DYM: variants seen among roughly 807,000 people sequenced by gnomAD.
DYM encodes the protein dyggve-Melchior-Clausen syndrome protein.
DYM carries 78 observed loss-of-function variants against 93.1 expected under a neutral mutation model. The observed-to-expected ratio is 0.84, with a 90% CI of 0.70 to 1.01. The LOEUF is 1.01. DYM is among the 50% of genes least tolerant of loss of function. The pLI is 0.00. For missense variants in DYM, 789 were observed against 845.0 expected, an observed-to-expected ratio of 0.93 and a Z score of 0.82; for synonymous variants, 321 against 319.7, an observed-to-expected ratio of 1.00 and a Z score of -0.04.
intron 13 of DYM, among the ~76,000 whole-genome samples, chr18:49,243,325 A>G (rs954246632): frequency 2.6e-5 from 4 of 152,156 alleles, no homozygotes; most frequent in African/African-American, 9.7e-5. Flanking sequence ...ATAAATGATT[A>G]TATGTCCCCT....
rs139305364 is a variant in DYM, at chr18:49,037,666, G to T, written c.*6389C>A. ...TTGATATGTAGTATTTTCATGATCAGTTCAAAATATTTCAAATTTCCATTA... is the reference window on the plus strand; with the variant it reads ...TTGATATGTAGTATTTTCATGATCATTTCAAAATATTTCAAATTTCCATTA... On this transcript the variant is annotated 3_prime_UTR_variant, in exon 18 of 18. Coordinates refer to ENST00000675505, the MANE Select transcript of DYM (RefSeq NM_001353214.3). 6.6e-6 allele frequency among the ~76,000 whole-genome samples: 1 copy of T among 152,116 alleles called. No individual in the cohort carries two copies. Among genetic ancestry groups the T allele is most frequent in the East Asian group, 1.9e-4 (1 of 5,202 alleles).
chr18:49,364,514 T>C (rs1224911409), intron 5 of DYM, among the ~76,000 whole-genome samples: 3 of 152,062 alleles, frequency 2.0e-5, no homozygotes, highest in African/African-American at 4.8e-5. Context: ...CTAGTTAGTA[T>C]TGTAGTTCCA....
At chr18:49,235,878 A>G (rs1249143081) in intron 13 of DYM, among the ~76,000 whole-genome samples, 1 of 152,136 alleles carries the variant, frequency 6.6e-6, no homozygotes, top group African/African-American at 2.4e-5. Flanking sequence ...ATACTATAAA[A>G]TTTTCATATT....
At chr18:49,136,344 A>T (rs1473791130) in intron 15 of DYM, among the ~76,000 whole-genome samples, 4 of 152,166 alleles carry the variant, frequency 2.6e-5, no homozygotes, top group African/African-American at 4.8e-5. Context: ...CATATATGTT[A>T]TATATATATC....
intron 14 of DYM, among the ~76,000 whole-genome samples, chr18:49,181,251 A>C (rs1414493937): frequency 1.3e-5 from 2 of 152,182 alleles, no homozygotes; most frequent in African/African-American, 2.4e-5. Context: ...AAGCAAAATG[A>C]ATGTTTCCGT....
At chr18:49,195,925 T>TTTTTTTTTTTTTC (rs2091402591) in intron 14 of DYM, among the ~76,000 whole-genome samples, 1 of 130,434 alleles carries the variant, frequency 7.7e-6, no homozygotes, top group African/African-American at 3.1e-5. Flanking sequence ...TCTTTTTTTT[T>TTTTTTTTTTTTTC]TTTTTTTTTT....
intron 15 of DYM, among the ~76,000 whole-genome samples, chr18:49,158,805 T>C (rs2086736119): frequency 6.6e-6 from 1 of 152,110 alleles, no homozygotes. Flanking sequence ...AAAAATATAG[T>C]TGGATAGAAT....
rs2092689118 is a variant in DYM at position 49,209,670 on chromosome 18, T to G, written c.1506A>C (p.Lys502Asn). The change falls in exon 14 of 18, where the codon AAA becomes AAC. Residue 502 changes from lysine to asparagine, a missense_variant. Lys to Asn is a moderately conservative substitution (Grantham distance 94). This residue lies in a region of DYM where 225 missense variants were observed against 303.0 expected (regional missense o/e 0.74). Transcript: ENST00000675505. ...HLRRYVYVLD[K>N]LYFPHSHCST... ...AACAGTGAGAGTGGGGGAAATACAG[T>G]TTGTCCAACACATAAACATATCTCC... The G allele has an allele frequency of 1.6e-6, 2 of 1,288,740 alleles. No homozygotes were observed. Among genetic ancestry groups the G allele is most frequent in the African/African-American group, 1.5e-5 (1 of 65,784 alleles). 79.8% of individuals were successfully genotyped at this position (1,288,740 alleles called of 1,614,324 possible).
At chr18:49,070,913 A>T (rs950508960) in intron 17 of DYM, among the ~76,000 whole-genome samples, 1 of 152,154 alleles carries the variant, frequency 6.6e-6, no homozygotes, top group Admixed American at 6.5e-5. Flanking sequence ...GGTTCCTTAT[A>T]CCCCATTGTG....
At chr18:49,103,893 G>A (rs1198910364) in intron 16 of DYM, among the ~76,000 whole-genome samples, 10 of 150,440 alleles carry the variant, frequency 6.6e-5, no homozygotes, top group Admixed American at 2.0e-4. Flanking sequence ...TTGGCGATGC[G>A]GGCTCTTTTT....
At chr18:49,410,688 G>A (rs913099387) in intron 2 of DYM, among the ~76,000 whole-genome samples, 1 of 151,468 alleles carries the variant, frequency 6.6e-6, no homozygotes, top group South Asian at 2.1e-4. Flanking sequence ...TAGAGTGCCT[G>A]TAGTCCCAGC....
chr18:49,044,079 C>A lies in DYM; in HGVS notation c.2151G>T (p.Gln717His), dbSNP rs2071146453. 2 of 1,613,808 alleles carry A rather than the reference C, an allele frequency of 1.2e-6. No individual in the cohort carries two copies. Among genetic ancestry groups the A allele is most frequent in the South Asian group, 1.1e-5 (1 of 91,062 alleles). ...CTCAGTCGGAATCCATGGTGAACAG[C>A]TGGATGTCCTGTGGATTCCAGTACA... is the stretch of plus-strand genomic sequence containing the variant. Reference protein sequence around the residue: ...VGLYWNPQDIQLFTMDSD With the variant: ...VGLYWNPQDIHLFTMDSD Residue 717 changes from glutamine (Q) to histidine (H), a missense_variant, in exon 18 of 18, where the codon CAG (glutamine) becomes CAT (histidine). Physicochemically the swap from Gln to His is conservative, Grantham distance 24. Around this residue, in one of 3 missense-constraint regions of DYM, gnomAD observed 114 missense variants for 105.8 expected, o/e 1.08. Coordinates refer to ENST00000675505, the MANE Select transcript of DYM (RefSeq NM_001353214.3).
intron 17 of DYM, among the ~76,000 whole-genome samples, chr18:49,071,800 G>T (rs557605409): frequency 6.6e-6 from 1 of 152,156 alleles, no homozygotes; most frequent in Admixed American, 6.5e-5. Flanking sequence ...TTAATGGCAG[G>T]GAGAGAAAGG....
chr18:49,225,125 G>A (rs952154472), intron 13 of DYM, among the ~76,000 whole-genome samples: 1 of 152,076 alleles, frequency 6.6e-6, no homozygotes, highest in Non-Finnish European at 1.5e-5. Context: ...CTGAGATATC[G>A]TTAATCCCAT....
intron 13 of DYM, among the ~76,000 whole-genome samples, chr18:49,226,500 A>T (rs936778294): frequency 4.6e-5 from 7 of 152,158 alleles, no homozygotes; most frequent in Non-Finnish European, 8.8e-5. Flanking sequence ...TTGTATTTCA[A>T]TGTGTTAATA....
intron 17 of DYM, among the ~76,000 whole-genome samples, chr18:49,065,734 G>A (rs1431712969): frequency 6.6e-6 from 1 of 151,826 alleles, no homozygotes; most frequent in Non-Finnish European, 1.5e-5. Flanking sequence ...ATTAAAAACA[G>A]GGCTTATAAA....
chr18:49,459,261 C>G (rs1364936162), intron 1 of DYM, among the ~76,000 whole-genome samples: 2 of 152,168 alleles, frequency 1.3e-5, no homozygotes, highest in Non-Finnish European at 2.9e-5. Context: ...AAGGCAGACA[C>G]CTAACCTCTA....
chr18:49,354,311 G>C (rs1228649129), intron 6 of DYM, among the ~76,000 whole-genome samples: 1 of 152,068 alleles, frequency 6.6e-6, no homozygotes, highest in Non-Finnish European at 1.5e-5. Context: ...GTATGGTGAT[G>C]ACTTTTTGGA....
Position 49,037,225 on chromosome 18 carries a change from A to T in DYM, c.*6830T>A, listed in dbSNP as rs1316271529. Among the ~76,000 whole-genome samples, 1 of 152,094 alleles carries T rather than the reference A, an allele frequency of 6.6e-6. No individual in the cohort carries two copies. Among genetic ancestry groups the T allele is most frequent in the African/African-American group, 2.4e-5 (1 of 41,414 alleles). On this transcript the variant is annotated 3_prime_UTR_variant, in exon 18 of 18. Transcript: ENST00000675505. ...AATCCTTTTAAATAACCAACTTTTG[A>T]CTTTGATTCCCTTTATTGTATATTT...
Sources: allele counts gnomAD v4.1 joint callset (sites outside exome capture counted in the v4.1 genomes callset), GRCh38; gene constraint gnomAD v4.1.1; regional missense constraint gnomAD v4.1.1; transcripts MANE v1.5; gene names NCBI Gene and HGNC (gene_info 2026-07-23, HGNC 2026-07-21).